Variants in TEAD1 observed in about 807,000 individuals in gnomAD.
TEAD1 encodes the protein transcriptional enhancer factor TEF-1.
In TEAD1, 9 loss-of-function variants were observed where a neutral mutation model predicts 54.9. The observed-to-expected ratio is 0.16, with a 90% CI of 0.10 to 0.29. TEAD1 has a LOEUF of 0.29. Ranked by LOEUF, TEAD1 falls within the 10% of genes least tolerant of loss-of-function variation. TEAD1 has a pLI of 1.00. For missense variants in TEAD1, 387 were observed against 535.9 expected (o/e 0.72, Z 2.74); for synonymous variants, 200 against 187.8 (o/e 1.07, Z -0.53).
intron 2 of TEAD1, among the ~76,000 whole-genome samples, chr11:12,729,148 A>G (rs1157790003): frequency 6.6e-6 from 1 of 152,242 alleles, no homozygotes; most frequent in Non-Finnish European, 1.5e-5. Context: ...TAGGAACTTC[A>G]TATATAGTTA....
chr11:12,742,249 A>G (rs1944663448), intron 2 of TEAD1, among the ~76,000 whole-genome samples: 1 of 152,258 alleles, frequency 6.6e-6, no homozygotes, highest in Non-Finnish European at 1.5e-5. Context: ...CTGACTAGTG[A>G]CATGATTCTG....
intron 11 of TEAD1, among the ~76,000 whole-genome samples, chr11:12,927,030 A>G (rs1948915036): frequency 1.3e-5 from 2 of 152,202 alleles, no homozygotes; most frequent in African/African-American, 4.8e-5. Flanking sequence ...TTGAGAAAAG[A>G]TGAACCAGAC....
chr11:12,724,977 T>A (rs765205878), intron 2 of TEAD1, among the ~76,000 whole-genome samples: 5 of 152,272 alleles, frequency 3.3e-5, no homozygotes, highest in Non-Finnish European at 7.4e-5. Context: ...TGGGGCCTGG[T>A]TGATTTTAGC....
chr11:12,814,777 CTGTGTGTGTGTGTGTG>C (rs397842274), intron 3 of TEAD1, among the ~76,000 whole-genome samples: 16,777 of 105,454 alleles, frequency 0.16, 1,461 homozygotes, highest in Non-Finnish European at 0.21. Context: ...TCGCAGAGCT[CTGTGTGTGTGTGTGTG>C]TGTGTGTGTG....
At chr11:12,678,677 T>A (rs544314806) in intron 2 of TEAD1, among the ~76,000 whole-genome samples, 2 of 152,342 alleles carry the variant, frequency 1.3e-5, no homozygotes, top group African/African-American at 4.8e-5. Context: ...TTCCCTCTTC[T>A]TGGGATAGTT....
rs546255300 is a variant in TEAD1 at position 12,755,392 on chromosome 11, G to T, written c.-54-8787G>T. On this transcript the variant is annotated intron_variant, in intron 2 of 12. Coordinates refer to ENST00000527636, the MANE Select transcript of TEAD1 (RefSeq NM_021961.6). ...GAATCGTACCAACTAAGAAAGTGATGTGATCCATAGGTTAGTGGCTAAGGA... is the reference window on the plus strand; with the variant it reads ...GAATCGTACCAACTAAGAAAGTGATTTGATCCATAGGTTAGTGGCTAAGGA... Among the ~76,000 whole-genome samples the T allele has an allele frequency of 4.0e-4, 61 of 152,314 alleles. 1 individual carries two copies. The South Asian group carries it at 0.011, about 28-fold the overall frequency.
intron 6 of TEAD1, among the ~76,000 whole-genome samples, chr11:12,880,435 G>A (rs1947942104): frequency 1.3e-5 from 2 of 152,122 alleles, no homozygotes; most frequent in Admixed American, 6.5e-5. Flanking sequence ...GGAATGGATA[G>A]TGATGTCAAG....
chr11:12,912,442 G>A (rs1356298590), intron 10 of TEAD1, among the ~76,000 whole-genome samples: 3 of 152,122 alleles, frequency 2.0e-5, no homozygotes, highest in Non-Finnish European at 4.4e-5. Flanking sequence ...TTTGGTCAGT[G>A]CAAGGGGAGT....
At chr11:12,682,576 A>G (rs760037783) in intron 2 of TEAD1, among the ~76,000 whole-genome samples, 3 of 152,144 alleles carry the variant, frequency 2.0e-5, no homozygotes, top group Non-Finnish European at 4.4e-5. Context: ...TGAACTGTGG[A>G]TAAACCACCC....
intron 3 of TEAD1, among the ~76,000 whole-genome samples, chr11:12,772,087 A>AC (rs1564934277): frequency 2.0e-5 from 3 of 152,182 alleles, no homozygotes; most frequent in Non-Finnish European, 4.4e-5. Flanking sequence ...AGAGTGATAA[A>AC]CAAGTGAGCA....
At chr11:12,753,005 T>C (rs2133909721) in intron 2 of TEAD1, among the ~76,000 whole-genome samples, 1 of 150,666 alleles carries the variant, frequency 6.6e-6, no homozygotes, top group African/African-American at 2.5e-5. Flanking sequence ...AACACCCAGC[T>C]AATTTTTTTT....
intron 3 of TEAD1, chr11:12,848,733 G>A (rs143891405): frequency 1.6e-4 from 24 of 152,120 alleles, no homozygotes; most frequent in African/African-American, 5.5e-4. Flanking sequence ...ATTGCTTGAG[G>A]CCAGTAGTTC....
intron 10 of TEAD1, among the ~76,000 whole-genome samples, chr11:12,908,895 T>TTTTTTTTTTTTTTTTTTTTTTTTTTTTC (rs1759637405): frequency 6.6e-6 from 1 of 151,574 alleles, no homozygotes; most frequent in Non-Finnish European, 1.5e-5. Context: ...TTTTTTTTTT[T>TTTTTTTTTTTTTTTTTTTTTTTTTTTTC]TGAGACAGTG....
chr11:12,784,936 C>G (rs2133953481), intron 3 of TEAD1, among the ~76,000 whole-genome samples: 1 of 152,288 alleles, frequency 6.6e-6, no homozygotes, highest in East Asian at 1.9e-4. Flanking sequence ...GAATCAGCTC[C>G]CTTTTGAAAT....
chr11:12,930,741 A>C (rs139132545), intron 12 of TEAD1, among the ~76,000 whole-genome samples: 1 of 152,268 alleles, frequency 6.6e-6, no homozygotes, highest in East Asian at 1.9e-4. Flanking sequence ...ACATTAGCCA[A>C]GTTTTAGTCT....
At chr11:12,679,909 T>A (rs985516581) in intron 2 of TEAD1, among the ~76,000 whole-genome samples, 1 of 152,240 alleles carries the variant, frequency 6.6e-6, no homozygotes, top group Admixed American at 6.5e-5. Context: ...TTTGCTTTGC[T>A]CTGTATCCAA....
intron 2 of TEAD1, among the ~76,000 whole-genome samples, chr11:12,688,445 T>G (rs746301233): frequency 9.9e-5 from 15 of 152,260 alleles, no homozygotes; most frequent in Admixed American, 9.8e-4. Context: ...GATCACTGAT[T>G]GCCAGTTTTT....
Position 12,938,317 on chromosome 11 carries a change from C to T in TEAD1, c.*1095C>T, listed in dbSNP as rs937179579. 1 of 152,622 alleles carries T rather than the reference C, an allele frequency of 6.6e-6. No individual in the cohort carries two copies. Among genetic ancestry groups the T allele is most frequent in the African/African-American group, 2.4e-5 (1 of 41,448 alleles). The allele number at this position is 152,622 out of a possible 1,614,324, so 9.5% of individuals were successfully genotyped here. A position where few individuals can be genotyped will look rare whatever the true frequency, so the allele number is the denominator to read the frequency against. Reference sequence around the variant, plus strand: ...AGGCTCATCAGTTTTAGCATCTCTGCTCCCCAGAAAATTGTAAGCATCCTC... The same window carrying T: ...AGGCTCATCAGTTTTAGCATCTCTGTTCCCCAGAAAATTGTAAGCATCCTC... On this transcript the variant is annotated 3_prime_UTR_variant, in exon 13 of 13. Transcript: ENST00000527636.
chr11:12,880,904 C>T (rs1329541286), intron 6 of TEAD1, 101 bp from the exon 7 acceptor site: 5 of 1,326,850 alleles, frequency 3.8e-6, no homozygotes, highest in African/African-American at 1.4e-5. Context: ...GTTGGGTGAT[C>T]GAACCTGCTG....
Sources: gnomAD v4.1 joint callset for allele counts (sites outside exome capture counted in the v4.1 genomes callset) on GRCh38, gnomAD v4.1.1 for gene constraint, MANE v1.5 for transcripts, NCBI Gene and HGNC (gene_info 2026-07-23, HGNC 2026-07-21) for gene names.